NR2E1: variants seen among roughly 807,000 people sequenced by gnomAD.
The protein encoded by NR2E1 is nuclear receptor TLX.
In NR2E1, 5 loss-of-function variants were observed where a neutral mutation model predicts 43.6. That is an observed-to-expected ratio of 0.11 (90% confidence interval 0.06 to 0.24). The LOEUF is 0.24. Ranked by LOEUF, NR2E1 falls within the 10% of genes least tolerant of loss-of-function variation. NR2E1 has a pLI of 1.00. For missense variants in NR2E1, 287 were observed against 496.7 expected, an observed-to-expected ratio of 0.58 and a Z score of 4.01; for synonymous variants, 191 against 195.5, an observed-to-expected ratio of 0.98 and a Z score of 0.19.
chr6:108,179,712 A>G (rs1330123996), intron 5 of NR2E1, among the ~76,000 whole-genome samples: 1 of 152,132 alleles, frequency 6.6e-6, no homozygotes, highest in Non-Finnish European at 1.5e-5. Context: ...AATATTCAGT[A>G]GCACATTTTA....
intron 2 of NR2E1, among the ~76,000 whole-genome samples, chr6:108,172,670 T>A (rs6924742): frequency 0.16 from 23,798 of 152,206 alleles, 2,146 homozygotes; most frequent in South Asian, 0.28. Flanking sequence ...CTAATTGATA[T>A]ATATAGGGTA....
chr6:108,168,234 GT>G, intron 1 of NR2E1: 2 of 1,441,738 alleles, frequency 1.4e-6, no homozygotes, highest in Non-Finnish European at 1.9e-6. Context: ...TCAGGAGGCC[GT>G]TTCTGTTGCA....
rs971500474 is a variant in NR2E1, at chr6:108,169,990, C to T, written c.26-1468C>T. On this transcript the variant is annotated intron_variant, in intron 1 of 8. Coordinates refer to ENST00000368986, the MANE Select transcript of NR2E1 (RefSeq NM_003269.5). This position sits in a 1 kb window ranked among gnomAD's most constrained non-coding sequence, Gnocchi z 6.1. ...ACGGTCCCCCGCGCTCTCCTTCCCC[C>T]ACCCCCTCCACCTGAGACGAGTCTG... Among the ~76,000 whole-genome samples, 4 of 151,676 alleles carry T rather than the reference C, an allele frequency of 2.6e-5. No individual in the cohort carries two copies. Among genetic ancestry groups the T allele is most frequent in the South Asian group, 2.1e-4 (1 of 4,766 alleles).
In NR2E1 at chr6:108,175,494, G is replaced by A. The variant is rs187844447; in HGVS notation, c.259+571G>A. ...GTTCTACAGAAAAGAGGGAAAGGGGGCTGGAGAGGCAGGGTAACGCCCGTG... is the reference window on the plus strand; with the variant it reads ...GTTCTACAGAAAAGAGGGAAAGGGGACTGGAGAGGCAGGGTAACGCCCGTG... On this transcript the variant is annotated intron_variant, in intron 3 of 8. Transcript: ENST00000368986. Among the ~76,000 whole-genome samples the A allele has an allele frequency of 5.1e-3, 778 of 152,364 alleles. 7 individuals carry two copies. Among genetic ancestry groups the A allele is most frequent in the Non-Finnish European group, 6.6e-3 (447 of 68,038 alleles).
intron 8 of NR2E1, among the ~76,000 whole-genome samples, chr6:108,184,258 A>G (rs1169838537): frequency 1.3e-5 from 2 of 152,156 alleles, no homozygotes; most frequent in Admixed American, 1.3e-4. Flanking sequence ...GTATGTCCTA[A>G]CTGACCTTTG....
At chr6:108,178,305 A>G in intron 5 of NR2E1, 64 bp downstream of exon 5, 1 of 1,582,650 alleles carries the variant, frequency 6.3e-7, no homozygotes, top group Middle Eastern at 1.8e-4. Context: ...ACTCAGCCTT[A>G]TAAAACTTCC....
In NR2E1 at chr6:108,169,993, C is replaced by T. The variant is rs1347772258; in HGVS notation, c.26-1465C>T. The stretch of plus-strand genomic sequence containing the variant: ...GTCCCCCGCGCTCTCCTTCCCCCAC[C>T]CCCTCCACCTGAGACGAGTCTGGGA... On this transcript the variant is annotated intron_variant, in intron 1 of 8. Coordinates refer to ENST00000368986, the MANE Select transcript of NR2E1 (RefSeq NM_003269.5). The surrounding 1 kb of genome is among the most constrained non-coding windows in gnomAD (Gnocchi z 6.1). Among the ~76,000 whole-genome samples, 1 of 151,812 alleles carries T rather than the reference C, an allele frequency of 6.6e-6. No individual in the cohort carries two copies. The highest frequency in any genetic ancestry group is 1.5e-5 in the Non-Finnish European group (1 of 67,922).
At chr6:108,176,809 G>C in intron 4 of NR2E1, 71 bp downstream of exon 4, 1 of 1,415,360 alleles carries the variant, frequency 7.1e-7, no homozygotes, top group South Asian at 1.3e-5. Context: ...GTTCTTCTGA[G>C]CTGTGTGATT....
chr6:108,166,735 C>T lies in NR2E1; in HGVS notation c.-31C>T, dbSNP rs769904715. The T allele has an allele frequency of 3.2e-6, 5 of 1,547,664 alleles. 1 individual carries two copies. In the South Asian group the frequency reaches 5.9e-5, roughly 18 times the overall value. ...CTGCCGGCCGGGACTCGGGCAGCGC[C>T]CACCAACCGCTCCGCCCCGGGACAG... On this transcript the variant is annotated 5_prime_UTR_variant, in exon 1 of 9. Coordinates refer to ENST00000368986, the MANE Select transcript of NR2E1 (RefSeq NM_003269.5). The surrounding 1 kb of genome is among the most constrained non-coding windows in gnomAD (Gnocchi z 7.2).
chr6:108,182,620 G>A (rs965302547), intron 8 of NR2E1, among the ~76,000 whole-genome samples: 4 of 147,336 alleles, frequency 2.7e-5, no homozygotes, highest in Non-Finnish European at 5.9e-5. Flanking sequence ...GTGTAGCGGT[G>A]CAATCTCGGC....
intron 8 of NR2E1, among the ~76,000 whole-genome samples, chr6:108,182,164 C>T (rs1295764092): frequency 1.3e-5 from 2 of 150,720 alleles, no homozygotes; most frequent in Non-Finnish European, 2.9e-5. Flanking sequence ...ATGTCGTGAA[C>T]CTGGGAGGTG....
chr6:108,181,997 G>A (rs1773998318), intron 8 of NR2E1, among the ~76,000 whole-genome samples: 1 of 152,158 alleles, frequency 6.6e-6, no homozygotes, highest in Admixed American at 6.5e-5. Flanking sequence ...CAGCACTTTG[G>A]GAGGCCGAGG....
chr6:108,173,778 G>T (rs1048837562), intron 2 of NR2E1, among the ~76,000 whole-genome samples: 1 of 152,190 alleles, frequency 6.6e-6, no homozygotes, highest in Admixed American at 6.5e-5. Flanking sequence ...TAAAACTCAT[G>T]CACATGACTC....
At chr6:108,182,671 G>T (rs1206950280) in intron 8 of NR2E1, among the ~76,000 whole-genome samples, 2 of 149,788 alleles carry the variant, frequency 1.3e-5, no homozygotes, top group Non-Finnish European at 2.9e-5. Context: ...TGATTCTCCT[G>T]CCTCAGCCTC....
intron 8 of NR2E1, among the ~76,000 whole-genome samples, chr6:108,186,825 T>A (rs1774083470): frequency 1.3e-5 from 2 of 152,188 alleles, no homozygotes; most frequent in Non-Finnish European, 2.9e-5. Flanking sequence ...TGAGAGAGAC[T>A]AAGTATAATG....
intron 1 of NR2E1, chr6:108,167,919 C>T (rs1329740138): frequency 7.9e-7 from 1 of 1,262,704 alleles, no homozygotes; most frequent in African/African-American, 1.5e-5. Context: ...AATTCCCGCC[C>T]TCCTACCCCC....
rs139148406 is a variant in NR2E1, at chr6:108,175,262, C to T, written c.259+339C>T. On this transcript the variant is annotated intron_variant, in intron 3 of 8. Transcript: ENST00000368986. ...ATCCCTCTTTGCAGCCCTTCGTGGC[C>T]ACCCTTAAGCCTGCTAGCCTGCCCC... Among the ~76,000 whole-genome samples the T allele has an allele frequency of 2.1e-3, 317 of 152,358 alleles. 1 individual carries two copies. The highest frequency in any genetic ancestry group is 2.6e-3 in the Non-Finnish European group (177 of 68,040).
intron 8 of NR2E1, among the ~76,000 whole-genome samples, chr6:108,182,340 A>C (rs1259193066): frequency 6.6e-6 from 1 of 151,774 alleles, no homozygotes; most frequent in Non-Finnish European, 1.5e-5. Flanking sequence ...CTTTCTTCAG[A>C]TGCCAATCTC....
intron 2 of NR2E1, among the ~76,000 whole-genome samples, chr6:108,174,481 G>A (rs1235382400): frequency 6.6e-6 from 1 of 152,112 alleles, no homozygotes. Flanking sequence ...TCTCGTCCCT[G>A]TTCCACCACT....
Sources: gnomAD v4.1 joint callset for allele counts (sites outside exome capture counted in the v4.1 genomes callset) on GRCh38, gnomAD v4.1.1 for gene constraint, Gnocchi (gnomAD v3.1) non-coding constraint, MANE v1.5 for transcripts, NCBI Gene and HGNC (gene_info 2026-07-23, HGNC 2026-07-21) for gene names.